The following NRK variants were observed in gnomAD, a reference collection of about 807,000 sequenced individuals.
NRK encodes nik-related protein kinase.
In NRK, 67 loss-of-function variants were observed where a neutral mutation model predicts 125.2. The ratio of observed to expected loss-of-function variants is 0.54; its 90% confidence interval spans 0.44 to 0.66. The LOEUF is 0.66. NRK is among the 30% of genes least tolerant of loss of function. NRK has a pLI of 0.00. For synonymous variants in NRK, 458 were observed against 429.0 expected (o/e 1.07, Z -0.84); for missense variants, 1,224 against 1,192.9 (o/e 1.03, Z -0.38).
At chrX:105,928,142 CT>C (rs1312092963) in intron 19 of NRK, among the ~76,000 whole-genome samples, 1 of 111,082 alleles carries the variant, frequency 9.0e-6, no homozygotes, top group Non-Finnish European at 1.9e-5. Flanking sequence ...TGTTGGGAGA[CT>C]TTTTATTGCT....
intron 19 of NRK, among the ~76,000 whole-genome samples, chrX:105,928,633 C>T (rs1290877951): frequency 9.0e-6 from 1 of 111,171 alleles, no homozygotes; most frequent in Non-Finnish European, 1.9e-5. Context: ...TTGCTATAAA[C>T]TTGTCTCTTA....
intron 7 of NRK, among the ~76,000 whole-genome samples, chrX:105,895,885 A>T (rs1403867461): frequency 8.9e-6 from 1 of 112,183 alleles, no homozygotes; most frequent in Non-Finnish European, 1.9e-5. Context: ...GAAGGGATTT[A>T]AAAAAATAAA....
chrX:105,832,511 G>C (rs888270191), intron 2 of NRK, among the ~76,000 whole-genome samples: 1 of 111,457 alleles, frequency 9.0e-6, no homozygotes, highest in African/African-American at 3.3e-5. Flanking sequence ...TCCTTAGGCT[G>C]ATCCTTACAG....
At chrX:105,870,878 G>A (rs1444175755) in intron 2 of NRK, among the ~76,000 whole-genome samples, 1 of 111,536 alleles carries the variant, frequency 9.0e-6, no homozygotes, top group African/African-American at 3.3e-5. Flanking sequence ...ACATTATTCT[G>A]TTGGATTATT....
rs1229460905 is a variant in NRK, at chrX:105,949,681, A to G, written c.4460A>G (p.Glu1487Gly). ...GAAGCCCTCTCTGTGGAAGCAAATGAACAACTCTTCAAGAAGATCCTTGAA... is the reference window on the plus strand; with the variant it reads ...GAAGCCCTCTCTGTGGAAGCAAATGGACAACTCTTCAAGAAGATCCTTGAA... ...NAEALSVEAN[E>G]QLFKKILEMW... The change falls in exon 27 of 29, where the codon GAA becomes GGA. Residue 1487 changes from glutamate (E) to glycine (G), a missense_variant. Coordinates refer to ENST00000243300, the MANE Select transcript of NRK (RefSeq NM_198465.4). The G allele has an allele frequency of 8.3e-7, 1 of 1,202,986 alleles. No homozygotes were observed. The highest frequency in any genetic ancestry group is 3.0e-5 in the East Asian group (1 of 33,761).
intron 21 of NRK, among the ~76,000 whole-genome samples, chrX:105,936,801 A>G (rs2040670942): frequency 8.9e-6 from 1 of 111,861 alleles, no homozygotes; most frequent in Non-Finnish European, 1.9e-5. Context: ...GAGAGTGTAG[A>G]AATTGAGATC....
chrX:105,926,068 C>T lies in NRK; in HGVS notation c.3312+1037C>T, dbSNP rs143783482. Among the ~76,000 whole-genome samples the T allele has an allele frequency of 1.2e-4, 13 of 111,329 alleles. No homozygotes were observed. In the East Asian group the frequency reaches 2.6e-3, roughly 22 times the overall value. ...GTGTAGTAGTTTACATTCCCACCAA[C>T]GGTATATAAAAGTTCCCTTTTCTCC... On this transcript the variant is annotated intron_variant, in intron 19 of 28. Coordinates refer to ENST00000243300, the MANE Select transcript of NRK (RefSeq NM_198465.4).
intron 1 of NRK, among the ~76,000 whole-genome samples, chrX:105,823,800 G>T (rs887411172): frequency 9.0e-6 from 1 of 111,505 alleles, no homozygotes; most frequent in African/African-American, 3.3e-5. Flanking sequence ...CATTTCACTC[G>T]CACCCTGTCT....
At chrX:105,946,701 AT>A (rs759281212) in intron 26 of NRK, among the ~76,000 whole-genome samples, 4 of 110,500 alleles carry the variant, frequency 3.6e-5, no homozygotes, top group East Asian at 2.9e-4. Flanking sequence ...GTCTTGCCTA[AT>A]TTTTTTTTAT....
intron 27 of NRK, among the ~76,000 whole-genome samples, chrX:105,950,811 A>T (rs1019640136): frequency 9.4e-6 from 1 of 106,004 alleles, no homozygotes; most frequent in African/African-American, 3.7e-5. Flanking sequence ...GTTGTTGTTG[A>T]CAACATAGAG....
intron 2 of NRK, among the ~76,000 whole-genome samples, chrX:105,878,162 T>C (rs2039838673): frequency 9.0e-6 from 1 of 110,870 alleles, no homozygotes; most frequent in Non-Finnish European, 1.9e-5. Context: ...CTAGCAAGTG[T>C]TCGTGTGAAT....
intron 22 of NRK, 113 bp from the exon 23 acceptor site, chrX:105,939,761 C>A (rs915404571): frequency 9.1e-6 from 4 of 439,130 alleles, no homozygotes; most frequent in African/African-American, 5.2e-5. Flanking sequence ...TTTTAAGGTG[C>A]TTTTTACGTT....
chrX:105,910,516 C>T (rs209371), intron 13 of NRK, among the ~76,000 whole-genome samples: 35,765 of 111,253 alleles, frequency 0.32, 5,247 homozygotes, highest in African/African-American at 0.59. Flanking sequence ...AATTATTCTC[C>T]GTGTTAGAAG....
intron 18 of NRK, among the ~76,000 whole-genome samples, 184 bp from the exon 19 acceptor site, chrX:105,924,511 A>G (rs1002401590): frequency 1.8e-5 from 2 of 111,917 alleles, no homozygotes; most frequent in Admixed American, 9.5e-5. Context: ...ATCATTACAT[A>G]AGACTGAGAA....
chrX:105,954,672 A>G (rs1018096866), intron 28 of NRK, among the ~76,000 whole-genome samples: 5 of 110,972 alleles, frequency 4.5e-5, no homozygotes, highest in Non-Finnish European at 9.5e-5. Flanking sequence ...ATGTCACAAA[A>G]TCTCCTAAAT....
chrX:105,911,817 A>T (rs2040305873), intron 13 of NRK, among the ~76,000 whole-genome samples: 1 of 111,935 alleles, frequency 8.9e-6, no homozygotes, highest in Non-Finnish European at 1.9e-5. Context: ...TCTCTGAAAG[A>T]TTCAGTGATA....
chrX:105,851,357 T>G (rs2039469649), intron 2 of NRK, among the ~76,000 whole-genome samples: 1 of 111,923 alleles, frequency 8.9e-6, no homozygotes, highest in South Asian at 3.7e-4. Context: ...GTGAAAAAAT[T>G]ACGCATATGT....
At chrX:105,931,030 A>G (rs766390662) in intron 19 of NRK, among the ~76,000 whole-genome samples, 2 of 112,385 alleles carry the variant, frequency 1.8e-5, no homozygotes, top group South Asian at 7.4e-4. Flanking sequence ...GAGTGTGGTC[A>G]CACAGGGTGG....
chrX:105,917,690 AT>A lies in NRK; in HGVS notation c.2512+22del. Reference sequence around the variant, plus strand: ...AGCATCAGGTGATTCAAAGCACAAAATTTTAGCAGGCAAAACACAGAGCTAC... The same window carrying A: ...AGCATCAGGTGATTCAAAGCACAAAATTTAGCAGGCAAAACACAGAGCTAC... On this transcript the variant is annotated intron_variant, in intron 16 of 28. Transcript: ENST00000243300. 1.1e-6 allele frequency: 1 copy of A among 939,289 alleles called. No homozygotes were observed. Among genetic ancestry groups the A allele is most frequent in the Non-Finnish European group, 1.5e-6 (1 of 679,130 alleles). The allele number at this position is 939,289 out of a possible 1,213,427, so 77.4% of individuals were successfully genotyped here.
Sources: allele counts gnomAD v4.1 joint callset (sites outside exome capture counted in the v4.1 genomes callset), GRCh38; gene constraint gnomAD v4.1.1; transcripts MANE v1.5; gene names NCBI Gene and HGNC (gene_info 2026-07-23, HGNC 2026-07-21).